Variants in EPHA10 observed in about 807,000 individuals in gnomAD.
EPHA10 encodes the protein ephrin type-A receptor 10.
EPHA10 carries 120 observed loss-of-function variants against 109.7 expected under a neutral mutation model. The observed-to-expected ratio is 1.09, with a 90% CI of 0.94 to 1.27. The LOEUF (loss-of-function observed/expected upper bound fraction) is 1.27. Among genes scored for constraint, EPHA10 ranks in the 50% most tolerant of loss-of-function variants. The pLI, the probability that EPHA10 is intolerant of heterozygous loss-of-function variation, is 0.00. For synonymous variants in EPHA10, 640 were observed against 618.9 expected, an observed-to-expected ratio of 1.03 and a Z score of -0.51; for missense variants, 1,396 against 1,411.1, an observed-to-expected ratio of 0.99 and a Z score of 0.17.
chr1:37,734,578 AC>A (rs531646778), intron 6 of EPHA10: 89 of 453,652 alleles, frequency 2.0e-4, no homozygotes, highest in Non-Finnish European at 3.3e-4. Context: ...TAATAAACTT[AC>A]GGGGAAAAGA....
chr1:37,752,761 A>G (rs1269306629), intron 5 of EPHA10, 115 bp downstream of exon 5: 1 of 550,340 alleles, frequency 1.8e-6, no homozygotes, highest in Middle Eastern at 6.7e-4. Flanking sequence ...TGTACAGAGG[A>G]TGGCTTCTCT....
intron 5 of EPHA10, among the ~76,000 whole-genome samples, chr1:37,743,175 T>TTGGG (rs1646181264): frequency 1.3e-5 from 2 of 152,074 alleles, no homozygotes; most frequent in African/African-American, 4.8e-5. Context: ...ATACCAGAAA[T>TTGGG]TGGGTATATG....
intron 8 of EPHA10, 70 bp downstream of exon 8, chr1:37,727,032 T>C: frequency 7.9e-7 from 1 of 1,264,170 alleles, no homozygotes; most frequent in African/African-American, 1.5e-5. Flanking sequence ...CAGAGATGCC[T>C]GTGAGCACAC....
chr1:37,745,528 A>C (rs488338), intron 5 of EPHA10, among the ~76,000 whole-genome samples: 51,559 of 151,862 alleles, frequency 0.34, 8,777 homozygotes, highest in East Asian at 0.47. Context: ...GTTACCATAA[A>C]AAGAAACCAC....
At chr1:37,741,395 G>C (rs1382403784) in intron 5 of EPHA10, among the ~76,000 whole-genome samples, 1 of 152,222 alleles carries the variant, frequency 6.6e-6, no homozygotes, top group Admixed American at 6.5e-5. Flanking sequence ...AAGCAAGAAA[G>C]TGGAAACGGA....
At chr1:37,738,453 AATGAG>A (rs1354682967) in intron 5 of EPHA10, among the ~76,000 whole-genome samples, 1 of 152,192 alleles carries the variant, frequency 6.6e-6, no homozygotes, top group Non-Finnish European at 1.5e-5. Context: ...TCAAAATCAC[AATGAG>A]ATATCACCTC....
chr1:37,724,760 G>C (rs1328359378), intron 8 of EPHA10, among the ~76,000 whole-genome samples: 3 of 152,222 alleles, frequency 2.0e-5, no homozygotes, highest in Non-Finnish European at 4.4e-5. Flanking sequence ...GCCACCGCAG[G>C]GTGTTGACAG....
downstream of EPHA10, among the ~76,000 whole-genome samples, chr1:37,714,476 A>G (rs1161289998): frequency 6.6e-6 from 1 of 152,174 alleles, no homozygotes; most frequent in Non-Finnish European, 1.5e-5. Context: ...GACTCCTCAA[A>G]GATTCCCAAA....
chr1:37,748,918 C>CTTTTTTT (rs55656984), intron 5 of EPHA10, among the ~76,000 whole-genome samples: 11 of 95,300 alleles, frequency 1.2e-4, no homozygotes, highest in East Asian at 3.3e-4. Flanking sequence ...TTCTTTTCAT[C>CTTTTTTT]TTTTTTTTTT....
In EPHA10 at chr1:37,718,803, G is replaced by A; in HGVS notation, c.2770C>T (p.Leu924=). The A allele has an allele frequency of 2.5e-6, 4 of 1,611,870 alleles. No individual in the cohort carries two copies. The highest frequency in any genetic ancestry group is 3.4e-6 in the Non-Finnish European group (4 of 1,179,474). ...LTTCPRPPTP[L]ADRAFSTFPS... Reference sequence around the variant, plus strand: ...AAGGTGGAGAAGGCACGGTCCGCTAGTGGGGTGGGAGGCCTGCGGGTCAGA... The same window carrying A: ...AAGGTGGAGAAGGCACGGTCCGCTAATGGGGTGGGAGGCCTGCGGGTCAGA... Residue 924 remains leucine (L), a synonymous_variant, in exon 16 of 17, where the codon CTA becomes TTA. Coordinates refer to ENST00000373048, the MANE Select transcript of EPHA10 (RefSeq NM_001099439.2).
intron 6 of EPHA10, 26 bp from the exon 7 acceptor site, chr1:37,731,608 C>T: frequency 1.3e-6 from 2 of 1,577,574 alleles, no homozygotes; most frequent in Non-Finnish European, 1.7e-6. Flanking sequence ...GAAGTGAAGC[C>T]CACCAGCGCC....
At chr1:37,726,294 C>T (rs539009902) in intron 8 of EPHA10, among the ~76,000 whole-genome samples, 5 of 152,246 alleles carry the variant, frequency 3.3e-5, no homozygotes, top group Non-Finnish European at 7.3e-5. Flanking sequence ...CCAGGCAGAG[C>T]TGGCTCCTAG....
In EPHA10 at chr1:37,765,039, G is replaced by A. The variant is rs536640104; in HGVS notation, c.28C>T (p.Leu10=). 3 of 1,608,224 alleles carry A rather than the reference G, an allele frequency of 1.9e-6. No individual in the cohort carries two copies. The highest frequency in any genetic ancestry group is 2.2e-5 in the South Asian group (2 of 90,178). METCAGPHP[L]RLFLCRMQLC... is the part of the protein sequence containing the mutation. ...TGCATCCGGCAGAGGAAGAGGCGCA[G>A]CGGGTGTGGACCGGCGCAGGTCTCC... Residue 10 remains leucine (L), a synonymous_variant, in exon 1 of 17, where the codon CTG becomes TTG. Coordinates refer to ENST00000373048, the MANE Select transcript of EPHA10 (RefSeq NM_001099439.2).
chr1:37,733,127 A>C (rs2148332896), intron 6 of EPHA10, among the ~76,000 whole-genome samples: 1 of 151,648 alleles, frequency 6.6e-6, no homozygotes, highest in Middle Eastern at 3.4e-3. Flanking sequence ...TCCTGACCTC[A>C]GGTGATCCAC....
intron 6 of EPHA10, chr1:37,734,785 G>A (rs1646041679): frequency 2.8e-6 from 1 of 358,220 alleles, no homozygotes; most frequent in Admixed American, 4.0e-5. Context: ...TTATATGACT[G>A]GAATTATAAT....
At chr1:37,753,887 C>T (rs1223848793) in intron 4 of EPHA10, among the ~76,000 whole-genome samples, 2 of 151,974 alleles carry the variant, frequency 1.3e-5, no homozygotes, top group African/African-American at 4.8e-5. Flanking sequence ...GTGCGAAGGT[C>T]GGGAGCCCCC....
chr1:37,737,371 A>G (rs1431599552), intron 5 of EPHA10, among the ~76,000 whole-genome samples: 2 of 152,148 alleles, frequency 1.3e-5, no homozygotes, highest in Non-Finnish European at 2.9e-5. Context: ...TTCAAAACAT[A>G]TTTCAAAGCT....
At chr1:37,725,377 G>T (rs111675273) in intron 8 of EPHA10, among the ~76,000 whole-genome samples, 33 of 151,984 alleles carry the variant, frequency 2.2e-4, no homozygotes, top group Admixed American at 1.4e-3. Flanking sequence ...ATGGTGGCAC[G>T]GGCCTGTAGT....
downstream of EPHA10, chr1:37,715,831 C>A (rs7512242): frequency 1.0e-5 from 5 of 499,510 alleles, no homozygotes; most frequent in Non-Finnish European, 2.0e-5. Flanking sequence ...ACATCTTTCA[C>A]GGCAGGAGCA....
Sources: gnomAD v4.1 joint callset for allele counts (sites outside exome capture counted in the v4.1 genomes callset) on GRCh38, gnomAD v4.1.1 for gene constraint, MANE v1.5 for transcripts, NCBI Gene and HGNC (gene_info 2026-07-23, HGNC 2026-07-21) for gene names.